The following TANC2 variants were observed in gnomAD, a reference collection of about 807,000 sequenced individuals.
TANC2 encodes protein TANC2.
A neutral mutation model predicts 210.5 loss-of-function variants in TANC2; 26 were observed. The ratio of observed to expected loss-of-function variants is 0.12; its 90% CI spans 0.09 to 0.17. The LOEUF (loss-of-function observed/expected upper bound fraction) is 0.17. Among genes scored for constraint, TANC2 ranks in the 10% least tolerant of loss-of-function variants. TANC2 has a pLI of 1.00. For missense variants in TANC2, 2,129 were observed against 2,608.9 expected (o/e 0.82, Z 4.01); for synonymous variants, 931 against 967.1 (o/e 0.96, Z 0.69).
chr17:63,286,179 C>T (rs9895557), intron 9 of TANC2, among the ~76,000 whole-genome samples: 59,753 of 151,948 alleles, frequency 0.39, 12,213 homozygotes, highest in Non-Finnish European at 0.45. Context: ...TTTATCCATG[C>T]GTTACCATTT....
chr17:63,354,752 TC>T (rs1472859483), intron 13 of TANC2, 30 bp from the exon 14 acceptor site: 1 of 1,528,776 alleles, frequency 6.5e-7, no homozygotes, highest in Non-Finnish European at 8.8e-7. Flanking sequence ...TGAAGGTCTT[TC>T]TGTCTCTTTC....
chr17:63,161,486 A>G (rs1463222512), intron 5 of TANC2, among the ~76,000 whole-genome samples: 1 of 152,172 alleles, frequency 6.6e-6, no homozygotes, highest in Non-Finnish European at 1.5e-5. Flanking sequence ...CATTTTATTT[A>G]ACTTACCTGC....
chr17:63,365,199 T>C (rs2047074208), intron 14 of TANC2, among the ~76,000 whole-genome samples: 1 of 152,196 alleles, frequency 6.6e-6, no homozygotes, highest in Non-Finnish European at 1.5e-5. Context: ...AGTAAAGCAA[T>C]TCACTCGGCC....
At chr17:63,396,867 T>C (rs1053303079) in intron 18 of TANC2, 1 of 151,998 alleles carries the variant, frequency 6.6e-6, no homozygotes. Context: ...TTATCCTCAC[T>C]ACCAGGTGAT....
chr17:63,136,936 A>G (rs1410048200), intron 4 of TANC2, among the ~76,000 whole-genome samples: 1 of 152,076 alleles, frequency 6.6e-6, no homozygotes, highest in Non-Finnish European at 1.5e-5. Flanking sequence ...CTGAGGACAG[A>G]GCTAATCCGA....
In TANC2 at chr17:63,161,814, G is replaced by A. The variant is rs190735297; in HGVS notation, c.433+10434G>A. Among the ~76,000 whole-genome samples, 297 of 152,176 alleles carry A rather than the reference G, an allele frequency of 2.0e-3. 1 individual carries two copies. The highest frequency in any genetic ancestry group is 5.8e-3 in the Admixed American group (88 of 15,270). ...GACCCTGCTCAAGTGTACATCCACC[G>A]ATTAGTAGTAGGTGCTCATGCTGTC... On this transcript the variant is annotated intron_variant, in intron 5 of 27. Transcript: ENST00000689528.
chr17:63,240,532 G>A (rs949454416), intron 8 of TANC2, among the ~76,000 whole-genome samples: 8 of 152,222 alleles, frequency 5.3e-5, no homozygotes, highest in South Asian at 2.1e-4. Context: ...AGCCCCAAGT[G>A]TATCCCAGAA....
At chr17:63,017,004 T>C (rs1358001958) in intron 2 of TANC2, among the ~76,000 whole-genome samples, 2 of 152,202 alleles carry the variant, frequency 1.3e-5, no homozygotes, top group African/African-American at 4.8e-5. Context: ...GGTTGTCTTT[T>C]CACTCCATGG....
intron 3 of TANC2, among the ~76,000 whole-genome samples, chr17:63,094,871 A>T (rs1420626222): frequency 6.6e-6 from 1 of 152,110 alleles, no homozygotes; most frequent in Non-Finnish European, 1.5e-5. Context: ...TCTCCATCAT[A>T]TTATCTCAGT....
chr17:63,377,567 A>C (rs575594759), intron 14 of TANC2, among the ~76,000 whole-genome samples: 1 of 152,204 alleles, frequency 6.6e-6, no homozygotes, highest in African/African-American at 2.4e-5. Context: ...TTCATTGTCC[A>C]TGTCACCATC....
intron 5 of TANC2, among the ~76,000 whole-genome samples, chr17:63,181,457 T>G (rs139964081): frequency 6.6e-6 from 1 of 152,112 alleles, no homozygotes; most frequent in East Asian, 1.9e-4. Context: ...ATGAACCAGG[T>G]GAGGAAGGGA....
intron 1 of TANC2, among the ~76,000 whole-genome samples, chr17:63,003,234 G>A (rs2033466859): frequency 6.6e-6 from 1 of 152,004 alleles, no homozygotes. Context: ...TTATAATTTG[G>A]GTGTGGGTCA....
In TANC2 at chr17:63,412,104, C is replaced by T. The variant is rs1010959592; in HGVS notation, c.3872C>T (p.Thr1291Ile). ...TGCCGGAACACTTCTGTTGTTGTCA[C>T]TCTTCTGAAGAAAGGAGCCAAGATA... The change falls in exon 23 of 28, where the codon ACT (threonine) becomes ATT (isoleucine). Residue 1291 changes from threonine to isoleucine, a missense_variant. This residue lies in a region of TANC2 where 644 missense variants were observed against 937.5 expected (regional missense o/e 0.69). Transcript: ENST00000689528. This position sits in a 1 kb window ranked among gnomAD's most constrained non-coding sequence, Gnocchi z 4.2. 6 of 1,613,844 alleles carry T rather than the reference C, an allele frequency of 3.7e-6. No homozygotes were observed. The Admixed American group carries it at 5.0e-5, about 13-fold the overall frequency.
At chr17:63,350,043 A>T (rs2046547851) in intron 12 of TANC2, among the ~76,000 whole-genome samples, 1 of 152,194 alleles carries the variant, frequency 6.6e-6, no homozygotes, top group Admixed American at 6.5e-5. Context: ...TGGATATTGA[A>T]ATTAAATCTC....
intron 9 of TANC2, among the ~76,000 whole-genome samples, chr17:63,303,019 C>T (rs926725269): frequency 5.9e-5 from 9 of 152,166 alleles, no homozygotes; most frequent in Non-Finnish European, 1.2e-4. Context: ...GCCTCAGCCT[C>T]CTAAAGTGCT....
chr17:62,968,655 CTTG>C (rs1402850083), intron 1 of TANC2: 1 of 152,206 alleles, frequency 6.6e-6, no homozygotes, highest in African/African-American at 2.4e-5. Context: ...CGATTCTTTT[CTTG>C]TTATCACTGC....
At chr17:63,321,898 C>T (rs1185651684) in intron 11 of TANC2, among the ~76,000 whole-genome samples, 2 of 152,146 alleles carry the variant, frequency 1.3e-5, no homozygotes, top group African/African-American at 4.8e-5. Flanking sequence ...CATATAAATT[C>T]TGTGTTTTCA....
At chr17:63,369,908 G>A (rs184610892) in intron 14 of TANC2, among the ~76,000 whole-genome samples, 1 of 151,284 alleles carries the variant, frequency 6.6e-6, no homozygotes, top group Non-Finnish European at 1.5e-5. Flanking sequence ...TGGCCTAATT[G>A]CAGTTTTTAA....
chr17:63,185,182 T>G lies in TANC2; in HGVS notation c.434-8809T>G, dbSNP rs146936456. Among the ~76,000 whole-genome samples the G allele has an allele frequency of 8.6e-3, 1,301 of 151,996 alleles. 16 individuals carry two copies. Among genetic ancestry groups the G allele is most frequent in the African/African-American group, 0.029 (1,192 of 41,476 alleles). ...GCTTCTTTTTTAAAAAAATGTTTTTTTGGAGCTAGGGTTTTGCCGTGTCAC... is the reference window on the plus strand; with the variant it reads ...GCTTCTTTTTTAAAAAAATGTTTTTGTGGAGCTAGGGTTTTGCCGTGTCAC... On this transcript the variant is annotated intron_variant, in intron 5 of 27. Transcript: ENST00000689528.
Sources: allele counts gnomAD v4.1 joint callset (sites outside exome capture counted in the v4.1 genomes callset), GRCh38; gene constraint gnomAD v4.1.1; regional missense constraint gnomAD v4.1.1; non-coding constraint Gnocchi (gnomAD v3.1); transcripts MANE v1.5; gene names NCBI Gene and HGNC (gene_info 2026-07-23, HGNC 2026-07-21).